The following GSK3B variants were observed in gnomAD, a reference collection of about 807,000 sequenced individuals.
The protein encoded by GSK3B is glycogen synthase kinase-3 beta.
Under a neutral mutation model 56.4 loss-of-function variants are expected in GSK3B, and 15 were observed. The ratio of observed to expected loss-of-function variants is 0.27; its 90% CI spans 0.18 to 0.41. GSK3B has a LOEUF of 0.41. Ranked by LOEUF, GSK3B falls within the 10% of genes least tolerant of loss-of-function variation. The pLI, the probability that GSK3B is intolerant of heterozygous loss-of-function variation, is 1.00. For synonymous variants in GSK3B, 181 were observed against 188.9 expected, an observed-to-expected ratio of 0.96 and a Z score of 0.34; for missense variants, 300 against 513.4, an observed-to-expected ratio of 0.58 and a Z score of 4.02.
At chr3:120,046,853 T>G (rs1367647381) in intron 1 of GSK3B, among the ~76,000 whole-genome samples, 1 of 152,126 alleles carries the variant, frequency 6.6e-6, no homozygotes, top group Non-Finnish European at 1.5e-5. Flanking sequence ...TCAAGTGATC[T>G]GCCCGCCTCG....
chr3:120,020,163 G>C (rs981383336), intron 1 of GSK3B, among the ~76,000 whole-genome samples: 2 of 152,042 alleles, frequency 1.3e-5, no homozygotes, highest in African/African-American at 4.8e-5. Context: ...ATTAACTATG[G>C]AAAATAAAAT....
Position 119,824,337 on chromosome 3 carries a change from AC to A in GSK3B, c.*2450del. 1 of 219,236 alleles carries A rather than the reference AC, an allele frequency of 4.6e-6. No homozygotes were observed. The highest frequency in any genetic ancestry group is 9.2e-6 in the Non-Finnish European group (1 of 108,998). The allele number at this position is 219,236 out of a possible 1,614,324, so 13.6% of individuals were successfully genotyped here. A position where few individuals can be genotyped will look rare whatever the true frequency, so the allele number is the denominator to read the frequency against. On this transcript the variant is annotated 3_prime_UTR_variant, in exon 11 of 11. Coordinates refer to ENST00000264235, the MANE Select transcript of GSK3B (RefSeq NM_001146156.2). ...AAAAATCACACATCTCAGCACACACACACACACACACACACGCACACATGCA... is the reference window on the plus strand; with the variant it reads ...AAAAATCACACATCTCAGCACACACAACACACACACACACGCACACATGCA...
chr3:119,912,851 A>C (rs750264953), intron 5 of GSK3B, 41 bp from the exon 6 acceptor site: 1 of 1,015,890 alleles, frequency 9.8e-7, no homozygotes, highest in Non-Finnish European at 1.5e-6. Context: ...GAAATTCTTT[A>C]AATCTAAACC....
intron 4 of GSK3B, 93 bp downstream of exon 4, chr3:119,923,280 T>G (rs1241918511): frequency 1.7e-6 from 1 of 601,866 alleles, no homozygotes; most frequent in Non-Finnish European, 2.9e-6. Context: ...CCCTGAGTAT[T>G]AAATACAATA....
At chr3:119,978,306 G>A (rs72969131) in intron 2 of GSK3B, among the ~76,000 whole-genome samples, 1,846 of 151,966 alleles carry the variant, frequency 0.012, 33 homozygotes, top group African/African-American at 0.042. Context: ...TTCCAACCCC[G>A]CCATAAAATT....
chr3:119,975,237 A>G (rs2057399729), intron 2 of GSK3B, among the ~76,000 whole-genome samples: 1 of 152,230 alleles, frequency 6.6e-6, no homozygotes, highest in East Asian at 1.9e-4. Context: ...ACCTGAGGTC[A>G]GGAGTTCGAG....
intron 8 of GSK3B, among the ~76,000 whole-genome samples, chr3:119,875,961 T>C (rs915769214): frequency 6.6e-6 from 1 of 152,038 alleles, no homozygotes; most frequent in Non-Finnish European, 1.5e-5. Context: ...AAAATGCCAG[T>C]AGGAAAGTAA....
At chr3:119,860,637 T>C (rs1051526008) in intron 9 of GSK3B, among the ~76,000 whole-genome samples, 4 of 152,230 alleles carry the variant, frequency 2.6e-5, no homozygotes, top group Non-Finnish European at 4.4e-5. Context: ...AGCTTTACCT[T>C]AATAAAACAC....
At chr3:120,056,066 G>A (rs1287003788) in intron 1 of GSK3B, among the ~76,000 whole-genome samples, 1 of 152,136 alleles carries the variant, frequency 6.6e-6, no homozygotes, top group African/African-American at 2.4e-5. Context: ...ATGTGATACT[G>A]CAACAGATTA....
intron 1 of GSK3B, among the ~76,000 whole-genome samples, chr3:120,085,830 A>C (rs539087705): frequency 6.6e-6 from 1 of 152,300 alleles, no homozygotes; most frequent in African/African-American, 2.4e-5. Flanking sequence ...AGTATTAACT[A>C]ATTTTATAAA....
At chr3:120,081,344 A>C (rs1488764387) in intron 1 of GSK3B, among the ~76,000 whole-genome samples, 2 of 151,966 alleles carry the variant, frequency 1.3e-5, no homozygotes, top group East Asian at 3.9e-4. Context: ...ATCAGGAGAT[A>C]GAGACCATCC....
chr3:120,053,180 T>C (rs1036951535), intron 1 of GSK3B, among the ~76,000 whole-genome samples: 3 of 151,958 alleles, frequency 2.0e-5, no homozygotes, highest in African/African-American at 4.8e-5. Context: ...CTACTAAAAA[T>C]ACAAAAATTA....
chr3:120,042,403 T>C (rs2058070856), intron 1 of GSK3B, among the ~76,000 whole-genome samples: 1 of 152,216 alleles, frequency 6.6e-6, no homozygotes, highest in Admixed American at 6.5e-5. Context: ...ATGGAACTTA[T>C]ACCCTAGCCA....
At chr3:119,847,247 C>T (rs1303059124) in intron 9 of GSK3B, among the ~76,000 whole-genome samples, 1 of 151,994 alleles carries the variant, frequency 6.6e-6, no homozygotes, top group African/African-American at 2.4e-5. Context: ...TGTAACAAAC[C>T]TGCACCTTCT....
At chr3:120,012,431 A>G (rs2057786399) in intron 1 of GSK3B, among the ~76,000 whole-genome samples, 1 of 152,244 alleles carries the variant, frequency 6.6e-6, no homozygotes, top group African/African-American at 2.4e-5. Flanking sequence ...TTGGTCTTCG[A>G]AACCGCCTTG....
At chr3:120,018,952 A>G (rs2057849733) in intron 1 of GSK3B, among the ~76,000 whole-genome samples, 1 of 152,198 alleles carries the variant, frequency 6.6e-6, no homozygotes, top group African/African-American at 2.4e-5. Context: ...AATAGAAGGA[A>G]CATTTCCTGA....
chr3:119,948,590 A>C (rs1462781072), intron 2 of GSK3B, among the ~76,000 whole-genome samples: 2 of 152,242 alleles, frequency 1.3e-5, no homozygotes, highest in East Asian at 3.8e-4. Flanking sequence ...AAAGACTCTT[A>C]AGTGTTGACT....
Position 120,078,858 on chromosome 3 carries a change from T to A in GSK3B, c.88+14489A>T, listed in dbSNP as rs558945120. On this transcript the variant is annotated intron_variant, in intron 1 of 10. Coordinates refer to ENST00000264235, the MANE Select transcript of GSK3B (RefSeq NM_001146156.2). ...GAGCCACCGCACCTGGCCTGTCTCC[T>A]CTATCCTTTCAAAAAGCACAGCTCT... Among the ~76,000 whole-genome samples, 9 of 150,942 alleles carry A rather than the reference T, an allele frequency of 6.0e-5. No individual in the cohort carries two copies. In the South Asian group the frequency reaches 1.3e-3, roughly 21 times the overall value.
At chr3:120,007,597 G>T (rs2057740665) in intron 1 of GSK3B, among the ~76,000 whole-genome samples, 2 of 152,178 alleles carry the variant, frequency 1.3e-5, no homozygotes, top group Non-Finnish European at 2.9e-5. Flanking sequence ...TCCCTGGGAT[G>T]ACAGGCTGGT....
Sources: gnomAD v4.1 joint callset for allele counts (sites outside exome capture counted in the v4.1 genomes callset) on GRCh38, gnomAD v4.1.1 for gene constraint, MANE v1.5 for transcripts, NCBI Gene and HGNC (gene_info 2026-07-23, HGNC 2026-07-21) for gene names.